SORCS2: variants seen among roughly 807,000 people sequenced by gnomAD.
The protein encoded by SORCS2 is VPS10 domain-containing receptor SorCS2.
Under a neutral mutation model 141.6 loss-of-function variants are expected in SORCS2, and 100 were observed. That is an observed-to-expected ratio of 0.71 (90% confidence interval 0.60 to 0.83). The LOEUF (loss-of-function observed/expected upper bound fraction) is 0.83, where lower values mean the gene tolerates loss of function less well. Among genes scored for constraint, SORCS2 ranks in the 40% least tolerant of loss-of-function variants. The pLI is 0.00. For synonymous variants in SORCS2, 789 were observed against 676.9 expected (o/e 1.17, Z -2.57); for missense variants, 1,646 against 1,560.2 (o/e 1.05, Z -0.93).
intron 2 of SORCS2, among the ~76,000 whole-genome samples, chr4:7,487,009 G>A (rs1577645773): frequency 6.6e-6 from 1 of 152,216 alleles, no homozygotes; most frequent in Non-Finnish European, 1.5e-5. Flanking sequence ...AGCGGGAAGC[G>A]GCTGCATTTG....
At chr4:7,702,825 G>A (rs1725170682) in intron 12 of SORCS2, among the ~76,000 whole-genome samples, 1 of 152,254 alleles carries the variant, frequency 6.6e-6, no homozygotes, top group Non-Finnish European at 1.5e-5. Context: ...GGAGCCCAGA[G>A]GCCACTCCCC....
At chr4:7,621,246 G>A (rs1008645409) in intron 3 of SORCS2, among the ~76,000 whole-genome samples, 4 of 152,176 alleles carry the variant, frequency 2.6e-5, no homozygotes, top group African/African-American at 7.2e-5. Flanking sequence ...CCTGGGTTCC[G>A]AAGCCTTCCT....
chr4:7,392,041 G>A (rs1723898282), intron 1 of SORCS2, among the ~76,000 whole-genome samples: 1 of 152,252 alleles, frequency 6.6e-6, no homozygotes, highest in Non-Finnish European at 1.5e-5. Flanking sequence ...CCCTCGTTCA[G>A]ACATTCTCAA....
chr4:7,699,829 G>C (rs534636956), intron 12 of SORCS2, among the ~76,000 whole-genome samples: 7 of 152,202 alleles, frequency 4.6e-5, no homozygotes, highest in African/African-American at 1.2e-4. Context: ...CCGAGACAGA[G>C]AGCTCACTCC....
At chr4:7,223,777 G>A (rs577471615) in intron 1 of SORCS2, among the ~76,000 whole-genome samples, 1 of 152,298 alleles carries the variant, frequency 6.6e-6, no homozygotes, top group Non-Finnish European at 1.5e-5. Context: ...AAGATGCCTG[G>A]TCTGGCCTGT....
intron 1 of SORCS2, among the ~76,000 whole-genome samples, chr4:7,240,445 T>C (rs1712616263): frequency 6.6e-6 from 1 of 152,164 alleles, no homozygotes; most frequent in Admixed American, 6.5e-5. Context: ...AGATACACTC[T>C]AATTTGCCGG....
At chr4:7,391,953 C>T (rs1254172213) in intron 1 of SORCS2, among the ~76,000 whole-genome samples, 6 of 152,212 alleles carry the variant, frequency 3.9e-5, no homozygotes, top group African/African-American at 1.2e-4. Flanking sequence ...TTGAAACTCG[C>T]AGAAGCTAGA....
intron 2 of SORCS2, among the ~76,000 whole-genome samples, chr4:7,507,674 G>C (rs1360564105): frequency 6.6e-6 from 1 of 152,158 alleles, no homozygotes; most frequent in Non-Finnish European, 1.5e-5. Context: ...ACAGACGCTG[G>C]GAAGGAATCA....
intron 3 of SORCS2, among the ~76,000 whole-genome samples, chr4:7,625,180 C>T (rs1044404467): frequency 6.6e-6 from 1 of 152,164 alleles, no homozygotes; most frequent in African/African-American, 2.4e-5. Flanking sequence ...AGAACCAGCT[C>T]TTTCCTGACA....
intron 1 of SORCS2, chr4:7,310,451 A>G (rs1303784149): frequency 6.5e-6 from 1 of 154,340 alleles, no homozygotes; most frequent in Non-Finnish European, 1.5e-5. Flanking sequence ...ATAATAATGA[A>G]GTACAACTTC....
At chr4:7,720,940 C>T (rs898823482) in intron 18 of SORCS2, among the ~76,000 whole-genome samples, 4 of 152,232 alleles carry the variant, frequency 2.6e-5, no homozygotes, top group South Asian at 2.1e-4. Context: ...AGTTTCTTAA[C>T]GAACTCAACA....
At position 7,741,145 on chromosome 4, in the gene SORCS2, A is replaced by G. The variant is rs1577146331; in HGVS notation, c.*881A>G. 4 of 398,512 alleles carry G rather than the reference A, an allele frequency of 1.0e-5. No individual in the cohort carries two copies. The highest frequency in any genetic ancestry group is 2.1e-5 in the African/African-American group (1 of 48,616). The allele number at this position is 398,512 out of a possible 1,614,324, so 24.7% of individuals were successfully genotyped here. A position where few individuals can be genotyped will look rare whatever the true frequency, so the allele number is the denominator to read the frequency against. On this transcript the variant is annotated 3_prime_UTR_variant, in exon 27 of 27. Transcript: ENST00000507866. Reference sequence around the variant, plus strand: ...TGGAAGGAGCCAGATGCCCCCAGAAAGGTGGGTGGTGGAGACGGCACCAGA... The same window carrying G: ...TGGAAGGAGCCAGATGCCCCCAGAAGGGTGGGTGGTGGAGACGGCACCAGA...
intron 1 of SORCS2, among the ~76,000 whole-genome samples, chr4:7,320,653 C>T (rs1718840998): frequency 6.6e-6 from 1 of 152,160 alleles, no homozygotes; most frequent in African/African-American, 2.4e-5. Context: ...CCCCGTGACT[C>T]TTTGATGAGG....
At chr4:7,653,874 T>C (rs1309174622) in intron 4 of SORCS2, among the ~76,000 whole-genome samples, 2 of 152,188 alleles carry the variant, frequency 1.3e-5, no homozygotes, top group East Asian at 3.9e-4. Flanking sequence ...ACACACCTCC[T>C]CTGTGAGACC....
At chr4:7,491,471 G>T (rs1731310971) in intron 2 of SORCS2, among the ~76,000 whole-genome samples, 1 of 152,262 alleles carries the variant, frequency 6.6e-6, no homozygotes, top group Admixed American at 6.5e-5. Flanking sequence ...GGTGTCCCCA[G>T]ATGCCCAGGC....
At chr4:7,287,142 C>A (rs900723781) in intron 1 of SORCS2, among the ~76,000 whole-genome samples, 5 of 152,176 alleles carry the variant, frequency 3.3e-5, no homozygotes, top group African/African-American at 1.2e-4. Flanking sequence ...TGGGGGGTCT[C>A]CTGCCTTGCC....
chr4:7,243,783 C>T (rs1712878150), intron 1 of SORCS2, among the ~76,000 whole-genome samples: 1 of 152,226 alleles, frequency 6.6e-6, no homozygotes, highest in African/African-American at 2.4e-5. Flanking sequence ...TCGCAGACGC[C>T]AGGCAAGCAG....
intron 2 of SORCS2, among the ~76,000 whole-genome samples, chr4:7,476,715 A>T (rs114896223): frequency 0.011 from 1,608 of 152,156 alleles, 26 homozygotes; most frequent in African/African-American, 0.037. Context: ...TCCAATCATG[A>T]ACCCTCTCTT....
At chr4:7,386,614 C>T (rs1391487832) in intron 1 of SORCS2, among the ~76,000 whole-genome samples, 1 of 148,340 alleles carries the variant, frequency 6.7e-6, no homozygotes, top group Non-Finnish European at 1.5e-5. Flanking sequence ...ACACATATGC[C>T]CACCATACAC....
Sources: allele counts gnomAD v4.1 joint callset (sites outside exome capture counted in the v4.1 genomes callset), GRCh38; gene constraint gnomAD v4.1.1; transcripts MANE v1.5; gene names NCBI Gene and HGNC (gene_info 2026-07-23, HGNC 2026-07-21).